Variants in CADM2 observed in about 807,000 individuals in gnomAD.
CADM2 encodes the protein cell adhesion molecule 2.
In CADM2, 12 loss-of-function variants were observed where a neutral mutation model predicts 49.8. The observed-to-expected ratio is 0.24, with a 90% CI of 0.15 to 0.39. The LOEUF (loss-of-function observed/expected upper bound fraction) is 0.39, where lower values mean the gene tolerates loss of function less well. Ranked by LOEUF, CADM2 falls within the 10% of genes least tolerant of loss-of-function variation. CADM2 has a pLI of 1.00. For missense variants in CADM2, 378 were observed against 492.3 expected (o/e 0.77, Z 2.20); for synonymous variants, 214 against 175.4 (o/e 1.22, Z -1.74).
At chr3:85,691,626 T>C (rs901574864) in intron 1 of CADM2, among the ~76,000 whole-genome samples, 2 of 152,178 alleles carry the variant, frequency 1.3e-5, no homozygotes, top group African/African-American at 2.4e-5. Flanking sequence ...CATTACTGGG[T>C]ATATACCCGA....
At chr3:85,270,766 A>T (rs936561657) in intron 1 of CADM2, among the ~76,000 whole-genome samples, 1 of 151,390 alleles carries the variant, frequency 6.6e-6, no homozygotes, top group African/African-American at 2.4e-5. Context: ...TGTGCCACTC[A>T]TTCCACACAT....
intron 1 of CADM2, among the ~76,000 whole-genome samples, chr3:85,025,498 C>T (rs2034685527): frequency 6.6e-6 from 1 of 152,170 alleles, no homozygotes; most frequent in Admixed American, 6.5e-5. Context: ...ATATAGCTGA[C>T]TAATAAACTA....
At chr3:85,519,635 C>T (rs2060985636) in intron 1 of CADM2, among the ~76,000 whole-genome samples, 1 of 152,064 alleles carries the variant, frequency 6.6e-6, no homozygotes, top group African/African-American at 2.4e-5. Flanking sequence ...ATAAACACGA[C>T]ATCAACTTTT....
intron 8 of CADM2, among the ~76,000 whole-genome samples, chr3:86,009,469 G>A (rs1255381511): frequency 6.6e-6 from 1 of 151,352 alleles, no homozygotes; most frequent in Admixed American, 6.6e-5. Context: ...TGGAGTGCCA[G>A]CACCCTCTAC....
At chr3:85,658,587 T>C (rs1381549567) in intron 1 of CADM2, among the ~76,000 whole-genome samples, 1 of 100,914 alleles carries the variant, frequency 9.9e-6, no homozygotes, top group Non-Finnish European at 2.1e-5. Context: ...TATATATATA[T>C]ATATATATAT....
intron 1 of CADM2, among the ~76,000 whole-genome samples, chr3:85,046,303 A>G (rs998882163): frequency 9.9e-5 from 15 of 151,356 alleles, no homozygotes; most frequent in African/African-American, 3.4e-4. Context: ...CCATATTCCC[A>G]AATCCTTTAC....
intron 1 of CADM2, among the ~76,000 whole-genome samples, chr3:85,270,825 A>C (rs1210129858): frequency 6.6e-6 from 1 of 151,434 alleles, no homozygotes; most frequent in Admixed American, 6.6e-5. Context: ...TCATATCAAA[A>C]CATTGACTGC....
intron 1 of CADM2, among the ~76,000 whole-genome samples, chr3:85,377,846 G>A (rs2033681308): frequency 6.6e-6 from 1 of 151,958 alleles, no homozygotes; most frequent in Non-Finnish European, 1.5e-5. Context: ...CAAAATGTGG[G>A]CCCAGGGAGC....
chr3:86,033,341 G>C (rs1476145314), intron 8 of CADM2, among the ~76,000 whole-genome samples: 1 of 151,878 alleles, frequency 6.6e-6, no homozygotes, highest in African/African-American at 2.4e-5. Context: ...AAAAAGTCCT[G>C]TTGTAAGAGA....
At chr3:85,588,644 AT>A (rs974731171) in intron 1 of CADM2, among the ~76,000 whole-genome samples, 3 of 151,930 alleles carry the variant, frequency 2.0e-5, no homozygotes, top group South Asian at 2.1e-4. Context: ...CTGTGTACTG[AT>A]TTTTTTATGC....
chr3:85,275,822 A>T lies in CADM2; in HGVS notation c.61+316154A>T, dbSNP rs1432051963. ...TGACCCTGATTTCATAGTTTCAAAG[A>T]TATTTTTCTTTTTGAATTTCAAATA... is the stretch of plus-strand genomic sequence containing the variant. On this transcript the variant is annotated intron_variant, in intron 1 of 9. Transcript: ENST00000383699. Among the ~76,000 whole-genome samples the T allele has an allele frequency of 3.3e-5, 5 of 151,284 alleles. No individual in the cohort carries two copies. The East Asian group carries it at 9.7e-4, about 29-fold the overall frequency.
chr3:85,833,769 CA>C (rs2074286040), intron 3 of CADM2, among the ~76,000 whole-genome samples: 4 of 151,590 alleles, frequency 2.6e-5, no homozygotes, highest in African/African-American at 9.7e-5. Context: ...TTGTTACAGA[CA>C]AAGCTATATC....
In CADM2 at chr3:85,027,109, C is replaced by CTTTTTTTTTTTTTTTTTTTTTTT. The variant is rs1160735135; in HGVS notation, c.61+67442_61+67464dup. 1.3e-4 allele frequency among the ~76,000 whole-genome samples: 7 copies of CTTTTTTTTTTTTTTTTTTTTTTT among 55,690 alleles called. 1 individual carries two copies. The highest frequency in any genetic ancestry group is 2.1e-4 in the Non-Finnish European group (7 of 33,936). The allele number at this position is 55,690 out of a possible 152,430, so 36.5% of individuals were successfully genotyped here. ...TGGTTGTTGTTGCTTTTTCTTTTTC[C>CTTTTTTTTTTTTTTTTTTTTTTT]TTTTTTTTTTTTTTTTTTTTTTTAA... On this transcript the variant is annotated intron_variant, in intron 1 of 9. Transcript: ENST00000383699.
intron 5 of CADM2, among the ~76,000 whole-genome samples, chr3:85,902,410 A>C (rs1197827517): frequency 6.6e-6 from 1 of 151,858 alleles, no homozygotes; most frequent in Non-Finnish European, 1.5e-5. Flanking sequence ...GTATCTTTAA[A>C]TCTAAAGTGT....
intron 8 of CADM2, among the ~76,000 whole-genome samples, chr3:85,965,046 T>C (rs1252194753): frequency 6.6e-6 from 1 of 151,470 alleles, no homozygotes; most frequent in Non-Finnish European, 1.5e-5. Context: ...ATAGTACTTA[T>C]CTACCAGGTA....
intron 1 of CADM2, among the ~76,000 whole-genome samples, chr3:85,437,921 A>G (rs1295393714): frequency 6.6e-6 from 1 of 152,014 alleles, no homozygotes; most frequent in African/African-American, 2.4e-5. Flanking sequence ...GAACATTATC[A>G]TTACAGAAAA....
chr3:85,476,262 A>C (rs956514681), intron 1 of CADM2, among the ~76,000 whole-genome samples: 2 of 151,902 alleles, frequency 1.3e-5, no homozygotes, highest in African/African-American at 4.8e-5. Context: ...CATCTTTATA[A>C]ATTGGGGAAG....
intron 7 of CADM2, among the ~76,000 whole-genome samples, chr3:85,941,252 TCTTA>T (rs2108553942): frequency 1.3e-5 from 2 of 152,152 alleles, no homozygotes; most frequent in East Asian, 3.9e-4. Flanking sequence ...AACTCAGAAG[TCTTA>T]CTTATATATT....
At position 85,485,889 on chromosome 3, in the gene CADM2, T is replaced by C. The variant is rs1019594813; in HGVS notation, c.62-240633T>C. On this transcript the variant is annotated intron_variant, in intron 1 of 9. Coordinates refer to ENST00000383699, the MANE Select transcript of CADM2 (RefSeq NM_001167675.2). ...GAGTATGTGGTAATACAAAACCTTATAATGTACTGTTTCAAAATTCGAAGA... is the reference window on the plus strand; with the variant it reads ...GAGTATGTGGTAATACAAAACCTTACAATGTACTGTTTCAAAATTCGAAGA... Among the ~76,000 whole-genome samples, 6 of 152,170 alleles carry C rather than the reference T, an allele frequency of 3.9e-5. No individual in the cohort carries two copies. The East Asian group carries it at 1.2e-3, about 29-fold the overall frequency.
Sources: gnomAD v4.1 joint callset for allele counts (sites outside exome capture counted in the v4.1 genomes callset) on GRCh38, gnomAD v4.1.1 for gene constraint, MANE v1.5 for transcripts, NCBI Gene and HGNC (gene_info 2026-07-23, HGNC 2026-07-21) for gene names.